SNX18: variants seen among roughly 807,000 people sequenced by gnomAD.
SNX18 encodes sorting nexin 18.
A neutral mutation model predicts 48.7 loss-of-function variants in SNX18; 35 were observed. The observed-to-expected ratio is 0.72, with a 90% CI of 0.55 to 0.95. The LOEUF is 0.95. Among genes scored for constraint, SNX18 ranks in the 40% least tolerant of loss-of-function variants. SNX18 has a pLI of 0.00. For synonymous variants in SNX18, 492 were observed against 384.7 expected (o/e 1.28, Z -3.26); for missense variants, 824 against 871.0 (o/e 0.95, Z 0.68).
the SNX18 span, among the ~76,000 whole-genome samples, chr5:54,641,797 A>G: frequency 0.89 from 135,632 of 152,092 alleles, 60,614 homozygotes; most frequent in East Asian, 0.94. Context: ...GAATGTGTGT[A>G]TGTATGCGTG....
the SNX18 span, among the ~76,000 whole-genome samples, chr5:54,592,946 G>A: frequency 2.0e-5 from 3 of 152,208 alleles, no homozygotes; most frequent in African/African-American, 4.8e-5. Flanking sequence ...GATTATAGGC[G>A]TGTGCCACCA....
chr5:54,642,232 T>C, the SNX18 span, among the ~76,000 whole-genome samples: 1 of 152,216 alleles, frequency 6.6e-6, no homozygotes. Flanking sequence ...TAATTAGTTG[T>C]TTATATACTT....
the SNX18 span, among the ~76,000 whole-genome samples, chr5:54,628,304 C>T: frequency 2.6e-5 from 4 of 152,114 alleles, no homozygotes; most frequent in African/African-American, 9.7e-5. Context: ...TGCAGTGACC[C>T]AGATCCAAGA....
the SNX18 span, among the ~76,000 whole-genome samples, chr5:54,590,591 T>C: frequency 6.6e-6 from 1 of 152,156 alleles, no homozygotes; most frequent in Non-Finnish European, 1.5e-5. Flanking sequence ...TACTTATACC[T>C]GACTAGCTCT....
At chr5:54,609,491 A>G in the SNX18 span, among the ~76,000 whole-genome samples, 1 of 152,046 alleles carries the variant, frequency 6.6e-6, no homozygotes, top group Non-Finnish European at 1.5e-5. Flanking sequence ...TATTTATAAT[A>G]TCTTATTTTT....
At chr5:54,646,697 C>T in the SNX18 span, among the ~76,000 whole-genome samples, 1 of 152,214 alleles carries the variant, frequency 6.6e-6, no homozygotes. Context: ...CACCCAAGTT[C>T]TTATGCCAAG....
the SNX18 span, among the ~76,000 whole-genome samples, chr5:54,617,033 T>C: frequency 6.6e-6 from 1 of 152,190 alleles, no homozygotes. Context: ...TCCTTCGACA[T>C]GAAGGAGGTC....
the SNX18 span, among the ~76,000 whole-genome samples, chr5:54,599,511 C>A: frequency 6.6e-6 from 1 of 151,988 alleles, no homozygotes; most frequent in African/African-American, 2.4e-5. Flanking sequence ...CAAAAAAGAG[C>A]CCATATAGCC....
chr5:54,572,229 G>A, the SNX18 span, among the ~76,000 whole-genome samples: 2 of 152,152 alleles, frequency 1.3e-5, no homozygotes, highest in Non-Finnish European at 2.9e-5. Flanking sequence ...GGCTAGCAAA[G>A]CTCTATCCTT....
At chr5:54,599,776 T>C in the SNX18 span, among the ~76,000 whole-genome samples, 1 of 152,200 alleles carries the variant, frequency 6.6e-6, no homozygotes, top group African/African-American at 2.4e-5. Flanking sequence ...GAAAACTGGC[T>C]ATCCATTTGC....
the SNX18 span, among the ~76,000 whole-genome samples, chr5:54,569,657 C>G: frequency 6.6e-6 from 1 of 152,260 alleles, no homozygotes; most frequent in East Asian, 1.9e-4. Flanking sequence ...ACTGGAGTAC[C>G]TGCATGTAAT....
At chr5:54,557,285 G>T in the SNX18 span, among the ~76,000 whole-genome samples, 2 of 152,342 alleles carry the variant, frequency 1.3e-5, no homozygotes, top group South Asian at 2.1e-4. Flanking sequence ...CATGGCAGGG[G>T]ATTTGAGAGT....
the SNX18 span, among the ~76,000 whole-genome samples, chr5:54,576,901 C>T: frequency 6.6e-6 from 1 of 152,184 alleles, no homozygotes; most frequent in South Asian, 2.1e-4. Context: ...TCCCAGGTTC[C>T]AGTCATTCTC....
chr5:54,622,027 G>C, the SNX18 span, among the ~76,000 whole-genome samples: 4 of 152,342 alleles, frequency 2.6e-5, no homozygotes, highest in Admixed American at 1.3e-4. Flanking sequence ...CTGATTCTGG[G>C]ACGAACCAGA....
intron 1 of SNX18, among the ~76,000 whole-genome samples, chr5:54,534,523 G>T (rs1055945881): frequency 3.3e-5 from 5 of 152,076 alleles, no homozygotes; most frequent in African/African-American, 1.2e-4. Context: ...GCCTTGCCTG[G>T]TTAAAATGGC....
At chr5:54,573,273 G>A in the SNX18 span, among the ~76,000 whole-genome samples, 2 of 151,998 alleles carry the variant, frequency 1.3e-5, no homozygotes, top group Admixed American at 6.6e-5. Context: ...CATCCTACTC[G>A]GTCTATGGAG....
chr5:54,590,923 T>G, the SNX18 span, among the ~76,000 whole-genome samples: 25 of 152,142 alleles, frequency 1.6e-4, no homozygotes, highest in Non-Finnish European at 2.6e-4. Context: ...TCATTTGATA[T>G]GAATTCTCCC....
chr5:54,542,549 G>A (rs1346213132), intron 1 of SNX18, among the ~76,000 whole-genome samples: 3 of 152,214 alleles, frequency 2.0e-5, no homozygotes. Flanking sequence ...TCAGCTAGGT[G>A]TTTACTCTGG....
the SNX18 span, among the ~76,000 whole-genome samples, chr5:54,592,926 A>G: frequency 4.6e-5 from 7 of 152,070 alleles, no homozygotes; most frequent in African/African-American, 1.4e-4. Flanking sequence ...TCAGCCTCCC[A>G]AGTAGCTGGG....
Sources: allele counts gnomAD v4.1 joint callset (sites outside exome capture counted in the v4.1 genomes callset), GRCh38; gene constraint gnomAD v4.1.1; transcripts MANE v1.5; gene names NCBI Gene and HGNC (gene_info 2026-07-23, HGNC 2026-07-21).